The following LRRC7 variants were observed in gnomAD, a reference collection of about 807,000 sequenced individuals.
LRRC7 encodes leucine rich repeat containing 7.
A neutral mutation model predicts 175.7 loss-of-function variants in LRRC7; 23 were observed. The ratio of observed to expected loss-of-function variants is 0.13; its 90% confidence interval spans 0.09 to 0.19. LRRC7 has a LOEUF of 0.19. Among genes scored for constraint, LRRC7 ranks in the 10% least tolerant of loss-of-function variants. The probability of loss-of-function intolerance (pLI) is 1.00; values close to 1 mark genes in which losing one functional copy is unlikely to be tolerated. For synonymous variants in LRRC7, 685 were observed against 680.9 expected, an observed-to-expected ratio of 1.01 and a Z score of -0.09; for missense variants, 1,354 against 1,904.7, an observed-to-expected ratio of 0.71 and a Z score of 5.38.
At chr1:69,886,846 G>C (rs1273251310) in intron 7 of LRRC7, among the ~76,000 whole-genome samples, 1 of 150,402 alleles carries the variant, frequency 6.6e-6, no homozygotes, top group African/African-American at 2.4e-5. Context: ...TTGCTTGTCT[G>C]TAAAGTATTT....
In LRRC7 at chr1:70,126,585, C is replaced by T. The variant is rs1666464367; in HGVS notation, c.*4698C>T. Among the ~76,000 whole-genome samples, 1 of 152,066 alleles carries T rather than the reference C, an allele frequency of 6.6e-6. No homozygotes were observed. The highest frequency in any genetic ancestry group is 2.4e-5 in the African/African-American group (1 of 41,388). On this transcript the variant is annotated 3_prime_UTR_variant, in exon 27 of 27. Coordinates refer to ENST00000651989, the MANE Select transcript of LRRC7 (RefSeq NM_001370785.2). Reference sequence around the variant, plus strand: ...TGTTAAGAAAAGCATCTTGCCTTGGCTCAGAATATTTCCCATCACCCACCA... The same window carrying T: ...TGTTAAGAAAAGCATCTTGCCTTGGTTCAGAATATTTCCCATCACCCACCA...
At chr1:69,692,380 G>T (rs1661999192) in intron 2 of LRRC7, among the ~76,000 whole-genome samples, 1 of 152,192 alleles carries the variant, frequency 6.6e-6, no homozygotes, top group Admixed American at 6.5e-5. Flanking sequence ...TGCATGATAA[G>T]CACCTCACTT....
chr1:69,652,054 G>A (rs1181347046), intron 1 of LRRC7, among the ~76,000 whole-genome samples: 2 of 152,134 alleles, frequency 1.3e-5, no homozygotes, highest in Admixed American at 6.6e-5. Flanking sequence ...GGCTACCCAA[G>A]CAACTGGTAA....
At chr1:69,662,080 C>T (rs1657552201) in intron 1 of LRRC7, among the ~76,000 whole-genome samples, 1 of 152,112 alleles carries the variant, frequency 6.6e-6, no homozygotes, top group Admixed American at 6.5e-5. Context: ...AAAACGTGAG[C>T]TTGAATCTGG....
intron 8 of LRRC7, among the ~76,000 whole-genome samples, chr1:69,963,030 C>A (rs944312789): frequency 6.6e-6 from 1 of 151,822 alleles, no homozygotes; most frequent in East Asian, 1.9e-4. Context: ...AAGGGTCAGG[C>A]GCGGTGGCTC....
chr1:70,013,094 T>C lies in LRRC7; in HGVS notation c.1250+5T>C. On this transcript the variant is annotated splice_donor_5th_base_variant and intron_variant, in intron 13 of 26. Transcript: ENST00000651989. ...CCTAAATTTGAGTGACAACAGGTAT[T>C]TTTGCAACATTTCACAATCACATAT... The C allele has an allele frequency of 6.7e-7, 1 of 1,489,622 alleles. No individual in the cohort carries two copies. The highest frequency in any genetic ancestry group is 9.2e-7 in the Non-Finnish European group (1 of 1,090,826). 92.3% of individuals were successfully genotyped at this position (1,489,622 alleles called of 1,614,324 possible). A position where few individuals can be genotyped will look rare whatever the true frequency, so the allele number is the denominator to read the frequency against.
chr1:69,579,794 CTT>C (rs71242784), intron 1 of LRRC7, among the ~76,000 whole-genome samples: 9 of 127,160 alleles, frequency 7.1e-5, no homozygotes, highest in Admixed American at 8.2e-5. Flanking sequence ...TGAATAGAAG[CTT>C]TTTTTTTTTT....
chr1:69,632,873 T>C (rs780210905), intron 1 of LRRC7, among the ~76,000 whole-genome samples: 19 of 152,160 alleles, frequency 1.2e-4, no homozygotes, highest in Non-Finnish European at 2.8e-4. Context: ...AAAAATTAAA[T>C]AGTTTTAATT....
chr1:69,935,308 A>T (rs1647888231), intron 8 of LRRC7, among the ~76,000 whole-genome samples: 1 of 152,210 alleles, frequency 6.6e-6, no homozygotes, highest in South Asian at 2.1e-4. Context: ...CTATTCAAGC[A>T]GGTAGTGCTT....
At chr1:69,608,858 CTCTCTCTCTATATATATATATATATA>C (rs1190415179) in intron 1 of LRRC7, among the ~76,000 whole-genome samples, 12 of 25,914 alleles carry the variant, frequency 4.6e-4, no homozygotes, top group African/African-American at 1.0e-3. Flanking sequence ...CTCTCTCTCT[CTCTCTCTCTATATATATATATATATA>C]TATATATATA....
In LRRC7 at chr1:70,143,342, T is replaced by TATC. The variant is rs774494774; in HGVS notation, c.*21457_*21459dup. 7.3e-5 allele frequency: 11 copies of TATC among 151,604 alleles called. No individual in the cohort carries two copies. In the East Asian group the frequency reaches 9.6e-4, roughly 13 times the overall value. The allele number at this position is 151,604 out of a possible 1,614,324, so 9.4% of individuals were successfully genotyped here. ...TGATTTCAAAGAAATCCCATTATAT[T>TATC]ATCAAGTCGTTTTCAAATTTACAAT... On this transcript the variant is annotated 3_prime_UTR_variant, in exon 27 of 27. Transcript: ENST00000651989.
intron 1 of LRRC7, among the ~76,000 whole-genome samples, chr1:69,610,134 G>A (rs932403148): frequency 3.3e-5 from 5 of 151,944 alleles, no homozygotes; most frequent in African/African-American, 1.2e-4. Flanking sequence ...TCTATAATGG[G>A]TTCTTGTCTC....
At chr1:69,591,607 C>G (rs1646637797) in intron 1 of LRRC7, among the ~76,000 whole-genome samples, 1 of 151,906 alleles carries the variant, frequency 6.6e-6, no homozygotes, top group Non-Finnish European at 1.5e-5. Flanking sequence ...TCTATGGTTC[C>G]ACAGTTTTAC....
Position 69,950,016 on chromosome 1 carries a change from T to A in LRRC7, c.711+18446T>A, listed in dbSNP as rs1019351586. ...CCTTTTCTGTCCACTAGCAGCAGCA[T>A]TTTTTTTCTTTCACTTGTTTTCAGT... On this transcript the variant is annotated intron_variant, in intron 8 of 26. Coordinates refer to ENST00000651989, the MANE Select transcript of LRRC7 (RefSeq NM_001370785.2). 5.6e-4 allele frequency among the ~76,000 whole-genome samples: 75 copies of A among 133,270 alleles called. 2 individuals are homozygous for A. Among genetic ancestry groups the A allele is most frequent in the African/African-American group, 2.4e-3 (68 of 28,288 alleles). The allele number at this position is 133,270 out of a possible 152,430, so 87.4% of individuals were successfully genotyped here.
intron 8 of LRRC7, among the ~76,000 whole-genome samples, chr1:69,940,743 G>A (rs1648624183): frequency 6.6e-6 from 1 of 151,974 alleles, no homozygotes; most frequent in African/African-American, 2.4e-5. Flanking sequence ...TTATGAATAG[G>A]AGTTGTAAAT....
intron 1 of LRRC7, among the ~76,000 whole-genome samples, chr1:69,573,566 CAA>C (rs1216640978): frequency 2.0e-5 from 3 of 151,972 alleles, no homozygotes; most frequent in Non-Finnish European, 4.4e-5. Flanking sequence ...AATTTTGAGT[CAA>C]TAGCTGTCAT....
intron 7 of LRRC7, among the ~76,000 whole-genome samples, chr1:69,901,398 A>G (rs1364462116): frequency 6.6e-6 from 1 of 152,220 alleles, no homozygotes; most frequent in African/African-American, 2.4e-5. Flanking sequence ...TCATTAAAAT[A>G]GCAAATAGAG....
intron 11 of LRRC7, among the ~76,000 whole-genome samples, chr1:70,000,359 G>A (rs1655410281): frequency 6.6e-6 from 1 of 152,104 alleles, no homozygotes; most frequent in African/African-American, 2.4e-5. Flanking sequence ...TAAATCACAT[G>A]TCTTATAGTT....
chr1:70,114,775 C>A (rs1292620963), intron 26 of LRRC7, among the ~76,000 whole-genome samples: 2 of 152,216 alleles, frequency 1.3e-5, no homozygotes, highest in South Asian at 2.1e-4. Context: ...ATACAAAGTT[C>A]TTGCACAGAA....
Sources: gnomAD v4.1 joint callset for allele counts (sites outside exome capture counted in the v4.1 genomes callset) on GRCh38, gnomAD v4.1.1 for gene constraint, MANE v1.5 for transcripts, NCBI Gene and HGNC (gene_info 2026-07-23, HGNC 2026-07-21) for gene names.